The following LEKR1 variants were observed in gnomAD, a reference collection of about 807,000 sequenced individuals.
LEKR1 encodes protein LEKR1.
In LEKR1, 59 loss-of-function variants were observed where a neutral mutation model predicts 72.4. The ratio of observed to expected loss-of-function variants is 0.82; its 90% CI spans 0.66 to 1.01. The LOEUF is 1.01. Ranked by LOEUF, LEKR1 falls within the 50% of genes least tolerant of loss-of-function variation. The probability of loss-of-function intolerance (pLI) is 0.00; values close to 1 mark genes in which losing one functional copy is unlikely to be tolerated. For missense variants in LEKR1, 728 were observed against 759.2 expected (o/e 0.96, Z 0.48); for synonymous variants, 257 against 263.2 (o/e 0.98, Z 0.23).
chr3:156,906,231 C>T (rs1395005494), intron 3 of LEKR1, among the ~76,000 whole-genome samples: 1 of 152,076 alleles, frequency 6.6e-6, no homozygotes. Context: ...TAATATTAAT[C>T]GATAATCCAC....
intron 9 of LEKR1, among the ~76,000 whole-genome samples, chr3:157,009,342 T>C (rs1037781364): frequency 1.3e-5 from 2 of 152,184 alleles, no homozygotes. Context: ...TCTACATTTA[T>C]AGCACATCTT....
chr3:156,954,391 G>A (rs1489960551), intron 6 of LEKR1, among the ~76,000 whole-genome samples: 2 of 151,924 alleles, frequency 1.3e-5, no homozygotes, highest in East Asian at 1.9e-4. Context: ...TATTGATTTT[G>A]TTGCTATTGC....
intron 3 of LEKR1, among the ~76,000 whole-genome samples, chr3:156,876,111 G>GT (rs925757688): frequency 7.3e-5 from 11 of 150,452 alleles, no homozygotes; most frequent in Non-Finnish European, 1.3e-4. Context: ...CTTTGGTTTT[G>GT]TTTTTTATTG....
chr3:157,034,218 T>C lies in LEKR1; in HGVS notation c.1668+5816T>C, dbSNP rs138097337. On this transcript the variant is annotated intron_variant, in intron 12 of 12. Transcript: ENST00000356539. ...GAACAGTTTTGACTTTCAAGTCTTA[T>C]TATTTAAGAAATATATTTCATAAGA... Among the ~76,000 whole-genome samples the C allele has an allele frequency of 5.3e-3, 815 of 152,340 alleles. 9 individuals are homozygous for C. The highest frequency in any genetic ancestry group is 0.024 in the East Asian group (123 of 5,190).
intron 4 of LEKR1, chr3:156,921,037 A>T (rs1234366369): frequency 6.3e-6 from 1 of 158,746 alleles, no homozygotes; most frequent in African/African-American, 2.4e-5. Flanking sequence ...CAAGAAAAGT[A>T]ATAGAATAAG....
intron 12 of LEKR1, among the ~76,000 whole-genome samples, chr3:157,030,187 C>T (rs886188021): frequency 1.1e-4 from 17 of 152,196 alleles, no homozygotes; most frequent in Non-Finnish European, 2.2e-4. Flanking sequence ...AACCAAATCT[C>T]GCATGAACTA....
At chr3:156,964,079 G>A (rs1728352986) in intron 6 of LEKR1, among the ~76,000 whole-genome samples, 1 of 152,216 alleles carries the variant, frequency 6.6e-6, no homozygotes, top group Non-Finnish European at 1.5e-5. Flanking sequence ...ATATAGTTTA[G>A]TATTAGGCTA....
chr3:156,906,083 A>G (rs1576793098), intron 3 of LEKR1, among the ~76,000 whole-genome samples: 1 of 152,292 alleles, frequency 6.6e-6, no homozygotes, highest in South Asian at 2.1e-4. Flanking sequence ...TTGACAAAAA[A>G]GAGTGCAGAT....
chr3:156,963,240 A>C (rs1728277596), intron 6 of LEKR1, among the ~76,000 whole-genome samples: 1 of 152,164 alleles, frequency 6.6e-6, no homozygotes, highest in African/African-American at 2.4e-5. Context: ...TCTGTCATAC[A>C]CGGCTTCTAT....
chr3:156,974,708 GC>G (rs201697920), intron 6 of LEKR1, among the ~76,000 whole-genome samples: 1 of 151,842 alleles, frequency 6.6e-6, no homozygotes, highest in Non-Finnish European at 1.5e-5. Flanking sequence ...TGCCAGCAAC[GC>G]CCCCCTCTAA....
At chr3:156,981,136 A>C (rs1426741990) in intron 7 of LEKR1, among the ~76,000 whole-genome samples, 1 of 152,194 alleles carries the variant, frequency 6.6e-6, no homozygotes, top group Non-Finnish European at 1.5e-5. Context: ...CGTATAGCCT[A>C]CGTGTGTAGT....
chr3:156,924,642 A>G (rs1243128941), intron 4 of LEKR1: 4 of 460,642 alleles, frequency 8.7e-6, no homozygotes, highest in Non-Finnish European at 1.5e-5. Flanking sequence ...ATATGAGGTA[A>G]GAATCTAAAT....
intron 5 of LEKR1, among the ~76,000 whole-genome samples, chr3:156,928,822 C>G (rs1724959662): frequency 6.6e-6 from 1 of 151,982 alleles, no homozygotes; most frequent in African/African-American, 2.4e-5. Flanking sequence ...ATTTAACACT[C>G]TAAGTTTAGC....
intron 10 of LEKR1, among the ~76,000 whole-genome samples, chr3:157,015,842 A>G (rs549556076): frequency 7.9e-5 from 12 of 152,258 alleles, no homozygotes; most frequent in Admixed American, 3.9e-4. Context: ...GAAAAAATTG[A>G]CCATGTTAAG....
intron 9 of LEKR1, among the ~76,000 whole-genome samples, chr3:157,008,439 A>G (rs142942885): frequency 1.3e-3 from 201 of 152,342 alleles, no homozygotes; most frequent in African/African-American, 4.7e-3. Flanking sequence ...AGGTTTGTAT[A>G]TGTATCAAAT....
chr3:156,860,102 A>T (rs1303867371), intron 3 of LEKR1, among the ~76,000 whole-genome samples: 4 of 152,024 alleles, frequency 2.6e-5, no homozygotes, highest in Non-Finnish European at 4.4e-5. Flanking sequence ...TATGCTGCTT[A>T]TGTTATGTTC....
At chr3:156,874,306 A>T (rs1366918164) in intron 3 of LEKR1, among the ~76,000 whole-genome samples, 2 of 150,834 alleles carry the variant, frequency 1.3e-5, no homozygotes, top group African/African-American at 2.5e-5. Flanking sequence ...CTCTTTTTTT[A>T]AAAAAAGGAT....
At chr3:156,941,449 G>T (rs1179557487) in intron 5 of LEKR1, among the ~76,000 whole-genome samples, 2 of 151,916 alleles carry the variant, frequency 1.3e-5, no homozygotes, top group Admixed American at 6.6e-5. Context: ...ATAACCATTT[G>T]CTGGCCAAAT....
At chr3:156,848,510 G>A (rs1576655726) in intron 2 of LEKR1, among the ~76,000 whole-genome samples, 1 of 152,108 alleles carries the variant, frequency 6.6e-6, no homozygotes, top group Non-Finnish European at 1.5e-5. Flanking sequence ...CTAGATCCAG[G>A]AACCATATTA....
Sources: gnomAD v4.1 joint callset for allele counts (sites outside exome capture counted in the v4.1 genomes callset) on GRCh38, gnomAD v4.1.1 for gene constraint, MANE v1.5 for transcripts, NCBI Gene and HGNC (gene_info 2026-07-23, HGNC 2026-07-21) for gene names.